Variants in UGGT1 observed in about 807,000 individuals in gnomAD.
UGGT1 encodes the protein UDP-glucose:glycoprotein glucosyltransferase 1.
UGGT1 carries 107 observed loss-of-function variants against 203.9 expected under a neutral mutation model. The ratio of observed to expected loss-of-function variants is 0.52; its 90% CI spans 0.45 to 0.62. UGGT1 has a LOEUF of 0.62. Ranked by LOEUF, UGGT1 falls within the 20% of genes least tolerant of loss-of-function variation. The pLI is 0.00. For missense variants in UGGT1, 1,673 were observed against 1,867.2 expected, an observed-to-expected ratio of 0.90 and a Z score of 1.92; for synonymous variants, 628 against 653.5, an observed-to-expected ratio of 0.96 and a Z score of 0.59.
intron 15 of UGGT1, 141 bp downstream of exon 15, chr2:128,135,102 A>G (rs1689073936): frequency 2.9e-6 from 2 of 680,232 alleles, no homozygotes; most frequent in African/African-American, 1.8e-5. Flanking sequence ...TCTGGTCAGT[A>G]TGAAGCCAGT....
At chr2:128,142,407 A>C (rs1689479060) in intron 16 of UGGT1, among the ~76,000 whole-genome samples, 2 of 148,944 alleles carry the variant, frequency 1.3e-5, no homozygotes, top group Admixed American at 6.7e-5. Context: ...AGTATGGTGA[A>C]ACCCCGTCTC....
rs1690476451 is a variant in UGGT1 at position 128,160,566 on chromosome 2, A to G, written c.2669A>G (p.Gln890Arg). 1.2e-6 allele frequency: 2 copies of G among 1,613,148 alleles called. No individual in the cohort carries two copies. Among genetic ancestry groups the G allele is most frequent in the African/African-American group, 1.3e-5 (1 of 74,876 alleles). ...GATGTTCTGAAGCTGAAGAAGGGAC[A>G]GAGGGCAGTGATCAGCAATGGAAGG... ...CRDVLKLKKG[Q>R]RAVISNGRII... Residue 890 changes from glutamine to arginine, a missense_variant, in exon 24 of 41, where the codon CAG becomes CGG. This residue lies in a region of UGGT1 where 1,073 missense variants were observed against 1,078.7 expected (regional missense o/e 0.99). Coordinates refer to ENST00000259253, the MANE Select transcript of UGGT1 (RefSeq NM_020120.4).
chr2:128,145,866 A>G lies in UGGT1; in HGVS notation c.1915A>G (p.Met639Val). ...TCTGCCCGTTGTGCTGTTCAATGGA[A>G]TGCCCTTTGAAAGGGAACAGCTAGA... ...GPLPVVLFNG[M>V]PFEREQLDPD... Residue 639 changes from methionine (M) to valine (V), a missense_variant, in exon 18 of 41, where the codon ATG becomes GTG. By Grantham distance (21) the Met-to-Val change is conservative. Around this residue, in one of 4 missense-constraint regions of UGGT1, gnomAD observed 1,073 missense variants for 1,078.7 expected, o/e 0.99. Coordinates refer to ENST00000259253, the MANE Select transcript of UGGT1 (RefSeq NM_020120.4). 1 of 1,614,116 alleles carries G rather than the reference A, an allele frequency of 6.2e-7. No homozygotes were observed. Among genetic ancestry groups the G allele is most frequent in the East Asian group, 2.2e-5 (1 of 44,870 alleles).
chr2:128,153,956 TA>T (rs1207348014), intron 19 of UGGT1, among the ~76,000 whole-genome samples: 1 of 152,178 alleles, frequency 6.6e-6, no homozygotes, highest in East Asian at 1.9e-4. Context: ...TAGTTGAGTA[TA>T]ATGAACATAT....
Position 128,164,758 on chromosome 2 carries a change from G to A in UGGT1, c.2854G>A (p.Ala952Thr). ...AAGCGACTTGGTAATGAAGGTGGAT[G>A]CTCTTCTGTCAGCGCAACCAAAAGG... is the stretch of plus-strand genomic sequence containing the variant. Reference protein sequence around the residue: ...VASDLVMKVDALLSAQPKGDP... With the variant: ...VASDLVMKVDTLLSAQPKGDP... Residue 952 changes from alanine (A) to threonine (T), a missense_variant, in exon 26 of 41, where the codon GCT becomes ACT. By Grantham distance (58) the Ala-to-Thr change is moderately conservative. Around this residue, in one of 4 missense-constraint regions of UGGT1, gnomAD observed 1,073 missense variants for 1,078.7 expected, o/e 0.99. Coordinates refer to ENST00000259253, the MANE Select transcript of UGGT1 (RefSeq NM_020120.4). The A allele has an allele frequency of 6.2e-7, 1 of 1,613,756 alleles. No homozygotes were observed.
chr2:128,184,019 T>C (rs112859475), intron 38 of UGGT1, among the ~76,000 whole-genome samples: 4 of 152,040 alleles, frequency 2.6e-5, no homozygotes, highest in African/African-American at 9.6e-5. Context: ...TGATGCTGGC[T>C]GGGGAGAGAG....
chr2:128,161,321 A>G lies in UGGT1; in HGVS notation c.2825+53A>G. The G allele has an allele frequency of 3.1e-6, 5 of 1,589,186 alleles. No individual in the cohort carries two copies. In the South Asian group the frequency reaches 4.5e-5, roughly 14 times the overall value. On this transcript the variant is annotated intron_variant, in intron 25 of 40. Coordinates refer to ENST00000259253, the MANE Select transcript of UGGT1 (RefSeq NM_020120.4). ...GGGGTTATATAATTGGACTTTCCTC[A>G]TTGATCAGTTAGAATTATATGTTGT...
chr2:128,102,953 C>T (rs1424596571), intron 2 of UGGT1: 3 of 420,476 alleles, frequency 7.1e-6, no homozygotes, highest in Admixed American at 2.9e-5. Context: ...TAGAAAAATA[C>T]TACTTTCAAG....
intron 4 of UGGT1, 50 bp downstream of exon 4, chr2:128,108,118 G>T: frequency 6.3e-7 from 1 of 1,594,838 alleles, no homozygotes. Flanking sequence ...ATATCATGAT[G>T]AATGGATGGA....
intron 40 of UGGT1, among the ~76,000 whole-genome samples, 166 bp from the exon 41 acceptor site, chr2:128,189,551 C>G (rs1692154010): frequency 6.6e-6 from 1 of 152,110 alleles, no homozygotes; most frequent in Admixed American, 6.5e-5. Flanking sequence ...TTAGTTTTTG[C>G]TTTCAAAATA....
chr2:128,138,813 A>G lies in UGGT1; in HGVS notation c.1680A>G (p.Gln560=). The G allele has an allele frequency of 6.2e-7, 1 of 1,614,214 alleles. No homozygotes were observed. The highest frequency in any genetic ancestry group is 8.5e-7 in the Non-Finnish European group (1 of 1,180,036). ...TTAGAGCATATAATTATGTTGCCCA[A>G]GAAGTGGATGATTATCATGCCTTCC... is the stretch of plus-strand genomic sequence containing the variant. ...AVLRAYNYVA[Q]EVDDYHAFQT... Residue 560 remains glutamine (Q), a synonymous_variant, in exon 16 of 41, where the codon CAA becomes CAG. Transcript: ENST00000259253.
At chr2:128,104,674 G>A (rs1165753287) in intron 3 of UGGT1, among the ~76,000 whole-genome samples, 2 of 151,932 alleles carry the variant, frequency 1.3e-5, no homozygotes, top group African/African-American at 4.8e-5. Context: ...TTGAGATGAA[G>A]TCTTGCTTTG....
chr2:128,115,022 G>C (rs960515002), intron 6 of UGGT1, 102 bp from the exon 7 acceptor site: 1 of 963,732 alleles, frequency 1.0e-6, no homozygotes, highest in Non-Finnish European at 1.6e-6. Flanking sequence ...GGCATAATCC[G>C]AGGTAATGGC....
At chr2:128,112,453 G>A (rs1180926785) in intron 5 of UGGT1, among the ~76,000 whole-genome samples, 433 of 10,860 alleles carry the variant, frequency 0.04, 20 homozygotes, top group Admixed American at 0.06. Flanking sequence ...AAAATACTAT[G>A]TTATATATAT....
chr2:128,121,272 T>C lies in UGGT1; in HGVS notation c.1047T>C (p.Leu349=). Residue 349 remains leucine, a synonymous_variant, in exon 10 of 41, where the codon CTT becomes CTC. Transcript: ENST00000259253. ...VELALVVMKD[L]SQNFPTKARA... Reference sequence around the variant, plus strand: ...TGGCTTTGGTTGTCATGAAGGATCTTAGTCAGAATTTTCCTACCAAAGCCA... The same window carrying C: ...TGGCTTTGGTTGTCATGAAGGATCTCAGTCAGAATTTTCCTACCAAAGCCA... 6.2e-7 allele frequency: 1 copy of C among 1,612,054 alleles called. No homozygotes were observed. The highest frequency in any genetic ancestry group is 8.5e-7 in the Non-Finnish European group (1 of 1,179,486).
At chr2:128,143,266 G>A (rs1313929419) in intron 17 of UGGT1, 41 bp downstream of exon 17, 1 of 1,605,820 alleles carries the variant, frequency 6.2e-7, no homozygotes, top group Admixed American at 1.7e-5. Flanking sequence ...TTGCAACATT[G>A]TACTGTCCTT....
chr2:128,129,907 T>C (rs1436821581), intron 13 of UGGT1, among the ~76,000 whole-genome samples: 3 of 152,210 alleles, frequency 2.0e-5, no homozygotes, highest in Non-Finnish European at 4.4e-5. Flanking sequence ...GAAGGATTTA[T>C]ATAGACTTTT....
chr2:128,182,401 G>A (rs1691739008), intron 37 of UGGT1, 111 bp downstream of exon 37: 2 of 1,347,726 alleles, frequency 1.5e-6, no homozygotes, highest in Non-Finnish European at 2.0e-6. Flanking sequence ...AAATAAAAAT[G>A]ATAAAAAATA....
chr2:128,176,786 T>G, intron 31 of UGGT1, 28 bp from the exon 32 acceptor site: 1 of 1,601,188 alleles, frequency 6.2e-7, no homozygotes, highest in Non-Finnish European at 8.6e-7. Context: ...TTGTGCCTTG[T>G]AATATTGATC....
Sources: gnomAD v4.1 joint callset for allele counts (sites outside exome capture counted in the v4.1 genomes callset) on GRCh38, gnomAD v4.1.1 for gene constraint, gnomAD v4.1.1 regional missense constraint, MANE v1.5 for transcripts, NCBI Gene and HGNC (gene_info 2026-07-23, HGNC 2026-07-21) for gene names.